TSPAN11: variants seen among roughly 807,000 people sequenced by gnomAD.
The protein encoded by TSPAN11 is tetraspanin 11, also known as tetraspanin-11.
In TSPAN11, 29 loss-of-function variants were observed where a neutral mutation model predicts 32.9. The ratio of observed to expected loss-of-function variants is 0.88; its 90% CI spans 0.66 to 1.20. The LOEUF is 1.20. Ranked by LOEUF, TSPAN11 falls within the 50% of genes most tolerant of loss-of-function variation. The pLI is 0.00. For synonymous variants in TSPAN11, 140 were observed against 141.3 expected, an observed-to-expected ratio of 0.99 and a Z score of 0.07; for missense variants, 283 against 329.1, an observed-to-expected ratio of 0.86 and a Z score of 1.08.
chr12:30,944,365 A>G (rs1467914614), intron 1 of TSPAN11, among the ~76,000 whole-genome samples: 11 of 152,136 alleles, frequency 7.2e-5, no homozygotes, highest in Admixed American at 4.6e-4. Context: ...GTACCCTTTG[A>G]CCATCATCTC....
At chr12:30,933,925 T>C (rs536096617) in intron 1 of TSPAN11, among the ~76,000 whole-genome samples, 12 of 152,260 alleles carry the variant, frequency 7.9e-5, no homozygotes, top group African/African-American at 2.9e-4. Context: ...ACCCCTTCCC[T>C]TCACACCTAC....
intron 1 of TSPAN11, among the ~76,000 whole-genome samples, chr12:30,941,676 C>T (rs139920087): frequency 1.8e-3 from 274 of 152,332 alleles, no homozygotes; most frequent in Middle Eastern, 3.4e-3. Flanking sequence ...AGCACCAAGA[C>T]AGCTGTCACC....
downstream of TSPAN11, among the ~76,000 whole-genome samples, chr12:31,000,661 TG>T (rs1939468967): frequency 6.6e-6 from 1 of 152,224 alleles, no homozygotes; most frequent in Non-Finnish European, 1.5e-5. Context: ...CCACAGTTCA[TG>T]TCTAACGGTG....
intron 1 of TSPAN11, among the ~76,000 whole-genome samples, chr12:30,949,548 C>A (rs958244576): frequency 7.2e-5 from 11 of 152,100 alleles, no homozygotes; most frequent in Admixed American, 3.3e-4. Context: ...GAGAATAGTA[C>A]GTGAGAATAG....
chr12:30,984,012 C>G (rs1565804015), intron 7 of TSPAN11, among the ~76,000 whole-genome samples: 1 of 152,152 alleles, frequency 6.6e-6, no homozygotes, highest in Non-Finnish European at 1.5e-5. Flanking sequence ...AGCTGCCACC[C>G]AGGAAGTCAG....
At chr12:31,005,316 G>A in the TSPAN11 span, among the ~76,000 whole-genome samples, 2 of 152,182 alleles carry the variant, frequency 1.3e-5, no homozygotes, top group Admixed American at 1.3e-4. Flanking sequence ...AAGGGATCTC[G>A]CCCAATAGCA....
chr12:31,010,277 C>G, the TSPAN11 span, among the ~76,000 whole-genome samples: 1 of 152,222 alleles, frequency 6.6e-6, no homozygotes, highest in Non-Finnish European at 1.5e-5. Flanking sequence ...ACCACCCTAC[C>G]TTGGGAGCTG....
intron 2 of TSPAN11, among the ~76,000 whole-genome samples, chr12:30,961,066 A>T (rs1938603228): frequency 6.6e-6 from 1 of 151,402 alleles, no homozygotes; most frequent in Non-Finnish European, 1.5e-5. Context: ...TATTACCCTC[A>T]TGGAAAACCA....
intron 7 of TSPAN11, among the ~76,000 whole-genome samples, chr12:30,985,736 G>T (rs1939188405): frequency 6.6e-6 from 1 of 152,238 alleles, no homozygotes; most frequent in South Asian, 2.1e-4. Context: ...GGGCAGTGAG[G>T]CTGAGGGCAG....
At chr12:30,981,830 A>G (rs1203537747) in intron 5 of TSPAN11, among the ~76,000 whole-genome samples, 2 of 152,124 alleles carry the variant, frequency 1.3e-5, no homozygotes, top group African/African-American at 2.4e-5. Flanking sequence ...ACCTCCAGAC[A>G]TACACCAGCG....
At chr12:30,981,272 C>A (rs1310569854) in intron 5 of TSPAN11, among the ~76,000 whole-genome samples, 2 of 152,202 alleles carry the variant, frequency 1.3e-5, no homozygotes, top group African/African-American at 4.8e-5. Context: ...ACCCGGCCCT[C>A]CAGCAGCAGC....
intron 4 of TSPAN11, chr12:30,979,080 C>T (rs1043789873): frequency 4.3e-5 from 10 of 234,414 alleles, no homozygotes; most frequent in Non-Finnish European, 8.3e-5. Flanking sequence ...CCCTCTGAAT[C>T]GGGGATTCGA....
At chr12:30,941,616 T>C (rs550957325) in intron 1 of TSPAN11, among the ~76,000 whole-genome samples, 120 of 152,244 alleles carry the variant, frequency 7.9e-4, no homozygotes, top group Non-Finnish European at 3.2e-4. Flanking sequence ...TAAGTTACAA[T>C]AGTGTTTGGG....
Position 30,996,498 on chromosome 12 carries a change from T to C in TSPAN11, c.*4583T>C, listed in dbSNP as rs535887735. The C allele has an allele frequency of 1.3e-4, 20 of 152,258 alleles. No homozygotes were observed. The highest frequency in any genetic ancestry group is 4.3e-4 in the African/African-American group (18 of 41,546). 9.4% of individuals were successfully genotyped at this position (152,258 alleles called of 1,614,324 possible). A position where few individuals can be genotyped will look rare whatever the true frequency, so the allele number is the denominator to read the frequency against. On this transcript the variant is annotated 3_prime_UTR_variant, in exon 8 of 8. Transcript: ENST00000546076. ...TAACCTAATGCGCATAGAGAAATTG[T>C]TCTCATTGTAAACATACCCCTGTCC...
chr12:30,978,334 A>G (rs1328218885), intron 3 of TSPAN11: 2 of 569,638 alleles, frequency 3.5e-6, no homozygotes, highest in South Asian at 2.4e-5. Context: ...TATTTAATAC[A>G]TATTGGATGG....
At chr12:30,954,188 C>T (rs1398027644) in intron 2 of TSPAN11, 113 bp downstream of exon 2, 5 of 770,044 alleles carry the variant, frequency 6.5e-6, no homozygotes, top group East Asian at 2.5e-5. Flanking sequence ...CAAAGATCAA[C>T]GATCAACCAT....
intron 2 of TSPAN11, among the ~76,000 whole-genome samples, chr12:30,960,616 A>G (rs1301211288): frequency 2.0e-5 from 3 of 152,044 alleles, no homozygotes; most frequent in Admixed American, 6.5e-5. Flanking sequence ...TCCTATGAAC[A>G]TAAAGTTCCT....
intron 3 of TSPAN11, among the ~76,000 whole-genome samples, chr12:30,971,245 A>G (rs1938845153): frequency 6.6e-6 from 1 of 152,220 alleles, no homozygotes; most frequent in Non-Finnish European, 1.5e-5. Flanking sequence ...CAGAAGAGGA[A>G]TGCTTCAGTG....
rs1939117610 is a variant in TSPAN11, at chr12:30,982,653, G to C, written c.578G>C (p.Gly193Ala). The C allele has an allele frequency of 1.1e-5, 18 of 1,603,530 alleles. No homozygotes were observed. The highest frequency in any genetic ancestry group is 1.4e-5 in the Non-Finnish European group (17 of 1,175,136). Residue 193 changes from glycine to alanine, a missense_variant, in exon 6 of 8, where the codon GGC (glycine) becomes GCC (alanine). Coordinates refer to ENST00000546076, the MANE Select transcript of TSPAN11 (RefSeq NM_001370302.1). ...SCCKTVVVRC[G>A]QRAHPSNIYK... is the part of the protein sequence containing the mutation. Reference sequence around the variant, plus strand: ...TGCAAGACAGTGGTGGTGCGCTGCGGCCAGCGGGCCCACCCCTCCAACATC... The same window carrying C: ...TGCAAGACAGTGGTGGTGCGCTGCGCCCAGCGGGCCCACCCCTCCAACATC...
Sources: gnomAD v4.1 joint callset for allele counts (sites outside exome capture counted in the v4.1 genomes callset) on GRCh38, gnomAD v4.1.1 for gene constraint, MANE v1.5 for transcripts, NCBI Gene and HGNC (gene_info 2026-07-23, HGNC 2026-07-21) for gene names.